Variants in PDLIM1 observed in about 807,000 individuals in gnomAD.
PDLIM1 encodes PDZ and LIM domain protein 1.
A neutral mutation model predicts 35.2 loss-of-function variants in PDLIM1; 25 were observed. That is an observed-to-expected ratio of 0.71 (90% confidence interval 0.52 to 0.99). The LOEUF (loss-of-function observed/expected upper bound fraction) is 0.99. Among genes scored for constraint, PDLIM1 ranks in the 50% least tolerant of loss-of-function variants. PDLIM1 has a pLI of 0.00. For synonymous variants in PDLIM1, 152 were observed against 154.0 expected (o/e 0.99, Z 0.10); for missense variants, 363 against 415.3 (o/e 0.87, Z 1.09).
At position 95,290,689 on chromosome 10, in the gene PDLIM1, C is replaced by A; in HGVS notation, c.96+131G>T. ...GGGGCCCGGGCGCGCGGAGAGCGCT[C>A]AACTAACAGCGCACCTGGACGCGCC... On this transcript the variant is annotated intron_variant, in intron 1 of 6. Transcript: ENST00000329399. The surrounding 1 kb of genome is among the most constrained non-coding windows in gnomAD (Gnocchi z 4.7). 2.2e-6 allele frequency: 1 copy of A among 464,892 alleles called. No individual in the cohort carries two copies. The highest frequency in any genetic ancestry group is 5.2e-5 in the South Asian group (1 of 19,142). The allele number at this position is 464,892 out of a possible 1,614,324, so 28.8% of individuals were successfully genotyped here.
chr10:95,268,543 TC>T (rs1398744915), intron 3 of PDLIM1, among the ~76,000 whole-genome samples: 1 of 152,216 alleles, frequency 6.6e-6, no homozygotes, highest in Non-Finnish European at 1.5e-5. Flanking sequence ...CTTATCGCCT[TC>T]CGACCCCCTG....
At chr10:95,262,473 G>A (rs1413191056) in intron 4 of PDLIM1, among the ~76,000 whole-genome samples, 1 of 152,170 alleles carries the variant, frequency 6.6e-6, no homozygotes, top group Non-Finnish European at 1.5e-5. Context: ...GAAAAAAAGA[G>A]GCTTTCCAAC....
intron 1 of PDLIM1, among the ~76,000 whole-genome samples, chr10:95,276,896 T>TA (rs61442624): frequency 0.12 from 8,033 of 68,834 alleles, 899 homozygotes; most frequent in East Asian, 0.39. Flanking sequence ...TTCAGTTTCC[T>TA]AAAAAAAAAA....
chr10:95,273,218 A>C (rs999967784), intron 1 of PDLIM1: 4 of 152,164 alleles, frequency 2.6e-5, no homozygotes, highest in Non-Finnish European at 5.9e-5. Context: ...CCAGGCTCCC[A>C]GTGCCCACAG....
chr10:95,255,123 G>C (rs1052357963), intron 4 of PDLIM1, among the ~76,000 whole-genome samples: 4 of 151,926 alleles, frequency 2.6e-5, no homozygotes, highest in African/African-American at 9.7e-5. Flanking sequence ...CCTATAACTA[G>C]TAAGGAGGTT....
rs2035644738 is a variant in PDLIM1 at position 95,290,627 on chromosome 10, G to A, written c.96+193C>T. Reference sequence around the variant, plus strand: ...CGCCCGCGGCGGGCCGACCAGCCCGGGAGCGCAGCCTCCGCGAAGGGGCGG... The same window carrying A: ...CGCCCGCGGCGGGCCGACCAGCCCGAGAGCGCAGCCTCCGCGAAGGGGCGG... On this transcript the variant is annotated intron_variant, in intron 1 of 6. Coordinates refer to ENST00000329399, the MANE Select transcript of PDLIM1 (RefSeq NM_020992.4). This position sits in a 1 kb window ranked among gnomAD's most constrained non-coding sequence, Gnocchi z 4.7. 6.6e-6 allele frequency among the ~76,000 whole-genome samples: 1 copy of A among 151,714 alleles called. No individual in the cohort carries two copies. Among genetic ancestry groups the A allele is most frequent in the African/African-American group, 2.4e-5 (1 of 41,348 alleles).
At chr10:95,280,166 A>C (rs2035548580) in intron 1 of PDLIM1, among the ~76,000 whole-genome samples, 1 of 152,244 alleles carries the variant, frequency 6.6e-6, no homozygotes. Flanking sequence ...ACTAGAGGTC[A>C]GGAGTTCAAG....
intron 1 of PDLIM1, among the ~76,000 whole-genome samples, chr10:95,272,392 T>G (rs2035472420): frequency 6.6e-6 from 1 of 152,186 alleles, no homozygotes; most frequent in Non-Finnish European, 1.5e-5. Flanking sequence ...TTTAAAAAAT[T>G]GTTGACCAGG....
intron 1 of PDLIM1, among the ~76,000 whole-genome samples, chr10:95,274,986 C>G (rs2035498981): frequency 6.6e-6 from 1 of 152,154 alleles, no homozygotes; most frequent in Admixed American, 6.5e-5. Flanking sequence ...CTGAATTCTG[C>G]TAAGATGTAG....
At chr10:95,278,616 C>CA (rs534222559) in intron 1 of PDLIM1, among the ~76,000 whole-genome samples, 4,609 of 123,058 alleles carry the variant, frequency 0.037, 215 homozygotes, top group African/African-American at 0.12. Context: ...TGCCAAGTCT[C>CA]AAAAAAAAAA....
intron 5 of PDLIM1, 106 bp downstream of exon 5, chr10:95,247,109 G>A (rs550451938): frequency 4.4e-6 from 4 of 906,032 alleles, no homozygotes; most frequent in South Asian, 3.6e-5. Flanking sequence ...AAAAGCCCAT[G>A]CCCTCCAAAG....
chr10:95,256,986 AAAAGAAAGAAAG>A (rs71034327), intron 4 of PDLIM1, among the ~76,000 whole-genome samples: 54 of 61,674 alleles, frequency 8.8e-4, no homozygotes, highest in East Asian at 4.3e-3. Flanking sequence ...AAAAAAAAAA[AAAAGAAAGAAAG>A]AAAGAAAGAA....
chr10:95,280,983 C>T (rs2035556345), intron 1 of PDLIM1, among the ~76,000 whole-genome samples: 1 of 152,138 alleles, frequency 6.6e-6, no homozygotes. Context: ...CCAAAGACAG[C>T]CTATACAGTG....
In PDLIM1 at chr10:95,251,426, A is replaced by G. The variant is rs150039405; in HGVS notation, c.534-4060T>C. 4.3e-3 allele frequency among the ~76,000 whole-genome samples: 649 copies of G among 152,276 alleles called. 4 individuals are homozygous for G. Among genetic ancestry groups the G allele is most frequent in the African/African-American group, 0.014 (593 of 41,554 alleles). ...CTATCTCTACTAAAATCCAAAAAAA[A>G]TTAGCCAGGTGCTGCAGCGTGTGCC... On this transcript the variant is annotated intron_variant, in intron 4 of 6. Coordinates refer to ENST00000329399, the MANE Select transcript of PDLIM1 (RefSeq NM_020992.4).
rs776219819 is a variant in PDLIM1 at position 95,271,741 on chromosome 10, C to T, written c.140G>A (p.Gly47Glu). The T allele has an allele frequency of 1.9e-6, 3 of 1,612,712 alleles. No homozygotes were observed. Among genetic ancestry groups the T allele is most frequent in the African/African-American group, 2.7e-5 (2 of 74,808 alleles). ...SKAALANLCIGDVITAIDGEN... is the reference protein window; with the variant it reads ...SKAALANLCIEDVITAIDGEN... Reference sequence around the variant, plus strand: ...CCCATCAATGGCTGTGATTACATCTCCAATACATAAATTAGCTAGAGCCGC... The same window carrying T: ...CCCATCAATGGCTGTGATTACATCTTCAATACATAAATTAGCTAGAGCCGC... Residue 47 changes from glycine to glutamate, a missense_variant, in exon 2 of 7, where the codon GGA becomes GAA. Physicochemically the swap from Gly to Glu is moderately conservative, Grantham distance 98. Transcript: ENST00000329399.
intron 5 of PDLIM1, among the ~76,000 whole-genome samples, chr10:95,245,298 C>A (rs1479122063): frequency 6.6e-6 from 1 of 152,220 alleles, no homozygotes; most frequent in African/African-American, 2.4e-5. Context: ...CCTTCTTCCT[C>A]CCTGTCACCT....
intron 4 of PDLIM1, among the ~76,000 whole-genome samples, chr10:95,251,999 C>T (rs1357523516): frequency 6.6e-6 from 1 of 152,122 alleles, no homozygotes. Flanking sequence ...ACCAAATAAC[C>T]AGAAAGGGGC....
intron 3 of PDLIM1, among the ~76,000 whole-genome samples, chr10:95,266,058 C>A (rs535061991): frequency 6.6e-6 from 1 of 151,810 alleles, no homozygotes; most frequent in African/African-American, 2.4e-5. Flanking sequence ...ATTAGCTAGG[C>A]GTGGTGGCAC....
intron 1 of PDLIM1, among the ~76,000 whole-genome samples, chr10:95,275,433 C>A (rs2035502329): frequency 6.6e-6 from 1 of 152,188 alleles, no homozygotes; most frequent in Non-Finnish European, 1.5e-5. Context: ...GTTACAGTAT[C>A]CTCAACACCC....
Sources: gnomAD v4.1 joint callset for allele counts (sites outside exome capture counted in the v4.1 genomes callset) on GRCh38, gnomAD v4.1.1 for gene constraint, Gnocchi (gnomAD v3.1) non-coding constraint, MANE v1.5 for transcripts, NCBI Gene and HGNC (gene_info 2026-07-23, HGNC 2026-07-21) for gene names.